Variants in RBFOX2 observed in about 807,000 individuals in gnomAD.
The protein encoded by RBFOX2 is RNA binding fox-1 homolog 2.
RBFOX2 carries 10 observed loss-of-function variants against 49.1 expected under a neutral mutation model. The ratio of observed to expected loss-of-function variants is 0.20; its 90% confidence interval spans 0.13 to 0.35. RBFOX2 has a LOEUF of 0.35. Ranked by LOEUF, RBFOX2 falls within the 10% of genes least tolerant of loss-of-function variation. The pLI is 1.00. For synonymous variants in RBFOX2, 183 were observed against 187.4 expected (o/e 0.98, Z 0.19); for missense variants, 323 against 486.9 (o/e 0.66, Z 3.17).
intron 1 of RBFOX2, chr22:35,995,381 C>T (rs890271573): frequency 2.6e-5 from 4 of 152,186 alleles, no homozygotes; most frequent in Admixed American, 2.6e-4. Flanking sequence ...ACACATTTGC[C>T]TCCTCTCCGC....
intron 2 of RBFOX2, among the ~76,000 whole-genome samples, chr22:35,792,315 CA>C (rs1187704252): frequency 5.8e-3 from 212 of 36,418 alleles, no homozygotes; most frequent in Non-Finnish European, 9.1e-3. Flanking sequence ...AACTCCGTCT[CA>C]AAAAAAAAAA....
chr22:35,942,634 T>C (rs2053818971), upstream of RBFOX2, among the ~76,000 whole-genome samples: 2 of 149,530 alleles, frequency 1.3e-5, no homozygotes, highest in South Asian at 4.2e-4. Context: ...CAAGCAGAAA[T>C]GGCTAGCTAC....
At chr22:35,743,966 GAA>G (rs1055702551) in exon 12 of RBFOX2, 2 of 339,796 alleles carry the variant, frequency 5.9e-6, no homozygotes, top group Non-Finnish European at 1.0e-5. Flanking sequence ...AAAAAAAAAA[GAA>G]AAAAATGCAC....
At chr22:35,801,818 C>T (rs113413401) in intron 2 of RBFOX2, among the ~76,000 whole-genome samples, 4,653 of 151,926 alleles carry the variant, frequency 0.031, 115 homozygotes, top group Non-Finnish European at 0.044. Context: ...CAGTGAGACT[C>T]GGTCTCAAAA....
chr22:35,787,682 G>A (rs1267201304), intron 2 of RBFOX2, among the ~76,000 whole-genome samples: 1 of 152,190 alleles, frequency 6.6e-6, no homozygotes, highest in Admixed American at 6.5e-5. Flanking sequence ...TTTGTGAAAA[G>A]TGGACAGTTA....
At chr22:35,798,533 T>G (rs749428757) in intron 2 of RBFOX2, among the ~76,000 whole-genome samples, 1 of 152,242 alleles carries the variant, frequency 6.6e-6, no homozygotes, top group Non-Finnish European at 1.5e-5. Context: ...AATTTCTTCA[T>G]CTGTAAAAGA....
chr22:35,830,779 A>G (rs2148660168), intron 1 of RBFOX2, among the ~76,000 whole-genome samples: 1 of 152,340 alleles, frequency 6.6e-6, no homozygotes, highest in Non-Finnish European at 1.5e-5. Context: ...GTATATAACT[A>G]CATGAAAAAT....
chr22:35,743,036 G>C (rs971655674), exon 12 of RBFOX2: 3 of 152,694 alleles, frequency 2.0e-5, no homozygotes, highest in Non-Finnish European at 4.4e-5. Context: ...GCCTCTGCCT[G>C]CCCTTCCATG....
chr22:35,826,676 G>T (rs1363384869), intron 1 of RBFOX2, among the ~76,000 whole-genome samples: 2 of 151,904 alleles, frequency 1.3e-5, no homozygotes, highest in Non-Finnish European at 2.9e-5. Context: ...TTATCCACAG[G>T]GCATATGCTC....
intron 1 of RBFOX2, among the ~76,000 whole-genome samples, chr22:35,911,117 A>AT (rs1258728414): frequency 6.6e-6 from 1 of 152,158 alleles, no homozygotes; most frequent in Non-Finnish European, 1.5e-5. Flanking sequence ...TTTAAGCCTG[A>AT]TATGACCTCC....
chr22:35,813,119 A>G (rs1320932139), intron 1 of RBFOX2, among the ~76,000 whole-genome samples: 1 of 152,194 alleles, frequency 6.6e-6, no homozygotes, highest in Admixed American at 6.5e-5. Flanking sequence ...TTCTTTTAAA[A>G]TTTTTGTTAA....
At chr22:35,959,094 G>A (rs548475342) in intron 1 of RBFOX2, among the ~76,000 whole-genome samples, 1 of 152,174 alleles carries the variant, frequency 6.6e-6, no homozygotes, top group South Asian at 2.1e-4. Context: ...CCTTTCTAAG[G>A]GACTAGAACT....
upstream of RBFOX2, among the ~76,000 whole-genome samples, chr22:35,843,399 T>G (rs1403062375): frequency 6.6e-6 from 1 of 152,096 alleles, no homozygotes; most frequent in African/African-American, 2.4e-5. Flanking sequence ...ATTTATTAAA[T>G]AAACAAATGA....
At chr22:35,799,591 A>G (rs528475106) in intron 2 of RBFOX2, among the ~76,000 whole-genome samples, 1 of 152,340 alleles carries the variant, frequency 6.6e-6, no homozygotes, top group South Asian at 2.1e-4. Context: ...ATGGAGCTGT[A>G]GCTCACAGCA....
chr22:35,785,014 T>C (rs1946100361), intron 2 of RBFOX2, among the ~76,000 whole-genome samples: 3 of 152,130 alleles, frequency 2.0e-5, no homozygotes, highest in Admixed American at 1.3e-4. Context: ...TTTTTTTCAA[T>C]TGAGACAGTG....
chr22:35,921,414 T>C (rs943604524), intron 1 of RBFOX2, among the ~76,000 whole-genome samples: 14 of 152,152 alleles, frequency 9.2e-5, no homozygotes, highest in African/African-American at 3.4e-4. Flanking sequence ...GCAGAGACCA[T>C]GAATAAAGGT....
intron 1 of RBFOX2, among the ~76,000 whole-genome samples, chr22:35,860,015 A>G (rs1397074977): frequency 1.3e-5 from 2 of 152,162 alleles, no homozygotes; most frequent in Admixed American, 1.3e-4. Context: ...ATACAACAAA[A>G]CTTTTTTCTC....
intron 1 of RBFOX2, among the ~76,000 whole-genome samples, chr22:35,908,485 T>C (rs1224520786): frequency 6.6e-6 from 1 of 152,214 alleles, no homozygotes; most frequent in South Asian, 2.1e-4. Context: ...GAATATCTCA[T>C]GTAATTTACT....
chr22:35,778,613 T>C (rs1047638336), intron 3 of RBFOX2, among the ~76,000 whole-genome samples: 10 of 151,678 alleles, frequency 6.6e-5, no homozygotes, highest in African/African-American at 2.4e-4. Context: ...TAAGTAACTA[T>C]AGACATCAGA....
Sources: gnomAD v4.1 joint callset for allele counts (sites outside exome capture counted in the v4.1 genomes callset) on GRCh38, gnomAD v4.1.1 for gene constraint, MANE v1.5 for transcripts, NCBI Gene and HGNC (gene_info 2026-07-23, HGNC 2026-07-21) for gene names.